Variants in PDE4D observed in about 807,000 individuals in gnomAD.
PDE4D encodes 3',5'-cyclic-AMP phosphodiesterase 4D.
A neutral mutation model predicts 87.4 loss-of-function variants in PDE4D; 24 were observed. The observed-to-expected ratio is 0.27, with a 90% CI of 0.20 to 0.39. PDE4D has a LOEUF of 0.39. PDE4D is among the 10% of genes least tolerant of loss of function. The pLI is 1.00. For synonymous variants in PDE4D, 384 were observed against 383.2 expected (o/e 1.00, Z -0.02); for missense variants, 714 against 1,041.0 (o/e 0.69, Z 4.32).
chr5:60,340,137 A>G (rs759305033), intron 1 of PDE4D, among the ~76,000 whole-genome samples: 1 of 152,124 alleles, frequency 6.6e-6, no homozygotes, highest in African/African-American at 2.4e-5. Flanking sequence ...TGAAGAAAGC[A>G]AAACAGGGAT....
chr5:60,359,354 G>C (rs546159475), intron 1 of PDE4D, among the ~76,000 whole-genome samples: 3 of 152,220 alleles, frequency 2.0e-5, no homozygotes, highest in Non-Finnish European at 4.4e-5. Flanking sequence ...GCTACAGTGA[G>C]CTGGGATCGC....
intron 2 of PDE4D, among the ~76,000 whole-genome samples, chr5:60,090,186 C>T (rs1219882222): frequency 6.6e-6 from 1 of 152,002 alleles, no homozygotes; most frequent in Non-Finnish European, 1.5e-5. Flanking sequence ...TCCTAAAAGG[C>T]CAGGATTATC....
rs73759030 is a variant in PDE4D at position 60,259,492 on chromosome 5, C to A, written c.-89-73805G>T. Reference sequence around the variant, plus strand: ...GAACCACCTGCAAAGCTGTACTCTGCCCTTTTTTAACCTACCTGTGGTTAT... The same window carrying A: ...GAACCACCTGCAAAGCTGTACTCTGACCTTTTTTAACCTACCTGTGGTTAT... On this transcript the variant is annotated intron_variant, in intron 1 of 16. Transcript: ENST00000502484. 2.2e-3 allele frequency among the ~76,000 whole-genome samples: 332 copies of A among 152,122 alleles called. 3 individuals carry two copies. Among genetic ancestry groups the A allele is most frequent in the African/African-American group, 7.8e-3 (322 of 41,534 alleles).
At chr5:59,867,826 G>A (rs1581500437) in intron 1 of PDE4D, among the ~76,000 whole-genome samples, 1 of 152,162 alleles carries the variant, frequency 6.6e-6, no homozygotes, top group East Asian at 1.9e-4. Context: ...TAAGCAGGAA[G>A]CAGAATATGA....
intron 2 of PDE4D, among the ~76,000 whole-genome samples, chr5:59,200,067 AC>A: frequency 6.6e-6 from 1 of 151,100 alleles, no homozygotes; most frequent in Middle Eastern, 3.4e-3. Flanking sequence ...GCATGTACAC[AC>A]ACGTATGCAC....
intron 5 of PDE4D, among the ~76,000 whole-genome samples, chr5:59,045,958 T>G (rs1177738323): frequency 6.6e-6 from 1 of 152,224 alleles, no homozygotes; most frequent in Non-Finnish European, 1.5e-5. Context: ...TACGCAGACA[T>G]ATGTTCCCAC....
intron 5 of PDE4D, among the ~76,000 whole-genome samples, chr5:59,171,995 TA>T: frequency 2.7e-5 from 2 of 74,220 alleles, no homozygotes; most frequent in African/African-American, 1.4e-4. Flanking sequence ...ATATATATTA[TA>T]TATATAATAA....
chr5:60,259,857 G>T (rs1749462625), intron 1 of PDE4D, among the ~76,000 whole-genome samples: 2 of 151,896 alleles, frequency 1.3e-5, no homozygotes, highest in Non-Finnish European at 2.9e-5. Flanking sequence ...TGACCTCCTG[G>T]GTGTTTTACT....
At chr5:59,023,165 ACT>A (rs890123563) in intron 6 of PDE4D, among the ~76,000 whole-genome samples, 6 of 150,126 alleles carry the variant, frequency 4.0e-5, no homozygotes, top group Non-Finnish European at 8.9e-5. Flanking sequence ...ACAGTGCAAG[ACT>A]CTAACTCAAG....
intron 1 of PDE4D, among the ~76,000 whole-genome samples, chr5:59,379,224 A>G (rs1214666032): frequency 6.6e-6 from 1 of 152,162 alleles, no homozygotes; most frequent in Non-Finnish European, 1.5e-5. Flanking sequence ...TAATTCATTT[A>G]AATTGATTGC....
At chr5:59,556,352 G>A (rs1818914089) in intron 1 of PDE4D, among the ~76,000 whole-genome samples, 1 of 151,988 alleles carries the variant, frequency 6.6e-6, no homozygotes, top group Non-Finnish European at 1.5e-5. Flanking sequence ...GCTGTGCCAG[G>A]TGACTCTCAC....
intron 5 of PDE4D, among the ~76,000 whole-genome samples, chr5:59,153,748 C>T (rs1273174339): frequency 7.8e-5 from 9 of 115,124 alleles, no homozygotes; most frequent in Middle Eastern, 4.5e-3. Context: ...TACTGGTGGG[C>T]AGGGTTTTTT....
At chr5:59,086,859 C>G (rs1345676070) in intron 5 of PDE4D, among the ~76,000 whole-genome samples, 1 of 152,130 alleles carries the variant, frequency 6.6e-6, no homozygotes, top group African/African-American at 2.4e-5. Context: ...CATCTGAACT[C>G]CCTTAGTTCA....
chr5:59,776,146 A>G (rs145695451), intron 1 of PDE4D, among the ~76,000 whole-genome samples: 11 of 152,296 alleles, frequency 7.2e-5, no homozygotes, highest in African/African-American at 2.6e-4. Context: ...AATCTTCTGA[A>G]ACCTAGATTT....
In PDE4D at chr5:60,314,881, TATC is replaced by T. The variant is rs540551156; in HGVS notation, c.-89-129197_-89-129195del. On this transcript the variant is annotated intron_variant, in intron 1 of 16. Transcript: ENST00000502484. The stretch of plus-strand genomic sequence containing the variant: ...TGTGCCACATTTTCTTAATCCAGTC[TATC>T]ATTGTTGGACATTTGGCTTGGTTCC... 3.5e-4 allele frequency among the ~76,000 whole-genome samples: 53 copies of T among 152,350 alleles called. 1 individual carries two copies. The East Asian group carries it at 6.9e-3, about 20-fold the overall frequency.
chr5:59,581,705 C>T (rs1824189993), intron 1 of PDE4D, among the ~76,000 whole-genome samples: 1 of 152,132 alleles, frequency 6.6e-6, no homozygotes, highest in African/African-American at 2.4e-5. Context: ...TCATAGCATA[C>T]TTAATCGAAT....
In PDE4D at chr5:59,585,247, T is replaced by A. The variant is rs1357944790; in HGVS notation, c.455+307921A>T. Among the ~76,000 whole-genome samples the A allele has an allele frequency of 5.3e-5, 8 of 152,142 alleles. No individual in the cohort carries two copies. In the East Asian group the frequency reaches 1.5e-3, roughly 29 times the overall value. On this transcript the variant is annotated intron_variant, in intron 1 of 14. Coordinates refer to ENST00000340635, the MANE Select transcript of PDE4D (RefSeq NM_001104631.2). ...GCCTCCCATCCTTCTCTGCAATGGA[T>A]TTTTTAGCTGAAAGCCGAAAACTCT...
At chr5:60,219,325 G>A (rs1428766744) in intron 1 of PDE4D, among the ~76,000 whole-genome samples, 2 of 152,068 alleles carry the variant, frequency 1.3e-5, no homozygotes, top group Admixed American at 1.3e-4. Flanking sequence ...TTTGAGAAGT[G>A]ACAATTGCTA....
At chr5:60,155,252 AC>A (rs1156689053) in intron 2 of PDE4D, among the ~76,000 whole-genome samples, 18 of 152,324 alleles carry the variant, frequency 1.2e-4, no homozygotes, top group Admixed American at 3.9e-4. Context: ...TCTTGCCAAC[AC>A]TAGGCATTGT....
Sources: allele counts gnomAD v4.1 joint callset (sites outside exome capture counted in the v4.1 genomes callset), GRCh38; gene constraint gnomAD v4.1.1; transcripts MANE v1.5; gene names NCBI Gene and HGNC (gene_info 2026-07-23, HGNC 2026-07-21).